The following RNF17 variants were observed in gnomAD, a reference collection of about 807,000 sequenced individuals.
RNF17 encodes the protein spermatogenesis associated 23.
Under a neutral mutation model 200.5 loss-of-function variants are expected in RNF17, and 31 were observed. The ratio of observed to expected loss-of-function variants is 0.15; its 90% CI spans 0.12 to 0.21. The LOEUF is 0.21. Ranked by LOEUF, RNF17 falls within the 10% of genes least tolerant of loss-of-function variation. The probability of loss-of-function intolerance (pLI) is 1.00; values close to 1 mark genes in which losing one functional copy is unlikely to be tolerated. For missense variants in RNF17, 1,628 were observed against 1,905.1 expected (o/e 0.85, Z 2.71); for synonymous variants, 606 against 637.8 (o/e 0.95, Z 0.75).
At chr13:24,873,302 A>G (rs1454961115) in intron 32 of RNF17, among the ~76,000 whole-genome samples, 1 of 152,222 alleles carries the variant, frequency 6.6e-6, no homozygotes, top group Non-Finnish European at 1.5e-5. Flanking sequence ...ATCCTTAGGA[A>G]TTAGTGAACA....
At chr13:24,875,389 A>G (rs904692293) in intron 33 of RNF17, among the ~76,000 whole-genome samples, 4 of 152,218 alleles carry the variant, frequency 2.6e-5, no homozygotes, top group South Asian at 2.1e-4. Context: ...TGAAGCCCAT[A>G]GCAGTAGTCC....
At chr13:24,814,929 A>G (rs1887198800) in intron 15 of RNF17, among the ~76,000 whole-genome samples, 2 of 152,206 alleles carry the variant, frequency 1.3e-5, no homozygotes, top group African/African-American at 4.8e-5. Context: ...TTGCTAATGT[A>G]TTGAAACTCA....
chr13:24,843,176 A>G (rs1250438696), intron 19 of RNF17, among the ~76,000 whole-genome samples: 2 of 152,104 alleles, frequency 1.3e-5, no homozygotes, highest in Non-Finnish European at 2.9e-5. Flanking sequence ...CTTTTCCACT[A>G]TAGGTCTCAA....
chr13:24,887,341 A>G, the RNF17 span, among the ~76,000 whole-genome samples: 1 of 152,214 alleles, frequency 6.6e-6, no homozygotes, highest in African/African-American at 2.4e-5. Flanking sequence ...ACTGGGCCAC[A>G]CAGCAGGAGA....
intron 16 of RNF17, among the ~76,000 whole-genome samples, chr13:24,826,357 AAGAC>A (rs1293863613): frequency 2.0e-5 from 3 of 152,258 alleles, no homozygotes; most frequent in African/African-American, 4.8e-5. Flanking sequence ...AGCATTGACT[AAGAC>A]AGAACATTAC....
intron 15 of RNF17, among the ~76,000 whole-genome samples, chr13:24,825,347 C>CA (rs1888502183): frequency 6.6e-6 from 1 of 152,088 alleles, no homozygotes; most frequent in African/African-American, 2.4e-5. Context: ...AAAACATATA[C>CA]AGTGAGTGTG....
At chr13:24,830,301 T>C (rs569286287) in intron 16 of RNF17, among the ~76,000 whole-genome samples, 183 bp from the exon 17 acceptor site, 2 of 152,326 alleles carry the variant, frequency 1.3e-5, no homozygotes, top group African/African-American at 2.4e-5. Flanking sequence ...TTCATTCTTA[T>C]AAGTCTGCAC....
chr13:24,812,708 G>T (rs1415909417), intron 15 of RNF17, among the ~76,000 whole-genome samples: 2 of 119,658 alleles, frequency 1.7e-5, no homozygotes, highest in Admixed American at 1.3e-4. Flanking sequence ...TTGAGACGCA[G>T]TCTCGCTCTG....
At chr13:24,787,908 C>G in intron 6 of RNF17, 80 bp from the exon 7 acceptor site, 1 of 1,105,820 alleles carries the variant, frequency 9.0e-7, no homozygotes, top group Non-Finnish European at 1.3e-6. Flanking sequence ...ACTGAACTTA[C>G]TCTTCAAGAT....
In RNF17 at chr13:24,793,177, A is replaced by C; in HGVS notation, c.1071A>C (p.Ala357=). The change falls in exon 10 of 36, where the codon GCA becomes GCC. Residue 357 remains alanine (A), a synonymous_variant. Transcript: ENST00000255324. ...ACATGTCTGTCCTAACCAGTGAAGC[A>C]CCACCACCTCCTTTGCAACCTGAGA... is the stretch of plus-strand genomic sequence containing the variant. ...KVDMSVLTSE[A]PPPPLQPETN... is the part of the protein sequence containing the mutation. The C allele has an allele frequency of 6.2e-7, 1 of 1,613,882 alleles. No individual in the cohort carries two copies. Among genetic ancestry groups the C allele is most frequent in the Non-Finnish European group, 8.5e-7 (1 of 1,179,824 alleles).
At position 24,850,423 on chromosome 13, in the gene RNF17, A is replaced by T. The variant is rs149990146; in HGVS notation, c.3184A>T (p.Ile1062Phe). The T allele has an allele frequency of 6.2e-6, 10 of 1,610,700 alleles. No homozygotes were observed. Among genetic ancestry groups the T allele is most frequent in the Middle Eastern group, 1.7e-4 (1 of 6,046 alleles). The change falls in exon 23 of 36, where the codon ATC becomes TTC. Residue 1062 changes from isoleucine to phenylalanine, a missense_variant. By Grantham distance (21) the Ile-to-Phe change is conservative. Transcript: ENST00000255324. ...CCTGACTGGAGCTGTAGCAACTATA[A>T]TCTTACAGGTGGATAGTGAGGTAAC... Reference protein sequence around the residue: ...LYLTGAVATIILQVDSEENNT... With the variant: ...LYLTGAVATIFLQVDSEENNT...
intron 15 of RNF17, among the ~76,000 whole-genome samples, chr13:24,819,216 A>G (rs545847301): frequency 2.1e-4 from 32 of 152,268 alleles, no homozygotes; most frequent in Non-Finnish European, 4.0e-4. Context: ...TGGCCAGCAC[A>G]ATATTACTTC....
At position 24,831,710 on chromosome 13, in the gene RNF17, C is replaced by G. The variant is rs192266091; in HGVS notation, c.2362-148C>G. The G allele has an allele frequency of 3.3e-5, 22 of 675,650 alleles. No individual in the cohort carries two copies. In the African/African-American group the frequency reaches 3.7e-4, roughly 11 times the overall value. The allele number at this position is 675,650 out of a possible 1,614,324, so 41.9% of individuals were successfully genotyped here. A position where few individuals can be genotyped will look rare whatever the true frequency, so the allele number is the denominator to read the frequency against. ...GATTTGTGTTTATAAAGTACTTTTACAGACACCTTCACACATTATTTGATT... is the reference window on the plus strand; with the variant it reads ...GATTTGTGTTTATAAAGTACTTTTAGAGACACCTTCACACATTATTTGATT... On this transcript the variant is annotated intron_variant, in intron 17 of 35. Transcript: ENST00000255324.
intron 22 of RNF17, among the ~76,000 whole-genome samples, chr13:24,847,333 T>TTTTA (rs1187655012): frequency 1.4e-5 from 2 of 144,222 alleles, no homozygotes; most frequent in Admixed American, 7.2e-5. Flanking sequence ...AACCTGATCT[T>TTTTA]TTTATTTATT....
At chr13:24,774,690 G>T (rs1881299547) in intron 2 of RNF17, 123 bp from the exon 3 acceptor site, 1 of 515,784 alleles carries the variant, frequency 1.9e-6, no homozygotes, top group Non-Finnish European at 3.4e-6. Context: ...ATTTACAGGG[G>T]ATTTCAGGAT....
chr13:24,784,988 T>G (rs1011185066), intron 6 of RNF17, among the ~76,000 whole-genome samples: 6 of 152,240 alleles, frequency 3.9e-5, no homozygotes, highest in African/African-American at 1.4e-4. Flanking sequence ...ATTACAGGTG[T>G]GAGCCATCAC....
chr13:24,761,406 T>C (rs1878730064), upstream of RNF17, among the ~76,000 whole-genome samples: 1 of 152,242 alleles, frequency 6.6e-6, no homozygotes, highest in African/African-American at 2.4e-5. Flanking sequence ...AGGTTAGCTC[T>C]GTGACTGCAT....
At chr13:24,789,231 C>T in intron 7 of RNF17, 117 bp from the exon 8 acceptor site, 2 of 673,552 alleles carry the variant, frequency 3.0e-6, no homozygotes, top group Non-Finnish European at 5.3e-6. Flanking sequence ...CCAAATTGAG[C>T]CTGAATGCAA....
At chr13:24,885,518 C>T in the RNF17 span, 716 of 1,219,278 alleles carry the variant, frequency 5.9e-4, 4 homozygotes, top group African/African-American at 4.1e-3. Context: ...CTTTTTTACA[C>T]GTGGTTTAGA....
Sources: gnomAD v4.1 joint callset for allele counts (sites outside exome capture counted in the v4.1 genomes callset) on GRCh38, gnomAD v4.1.1 for gene constraint, MANE v1.5 for transcripts, NCBI Gene and HGNC (gene_info 2026-07-23, HGNC 2026-07-21) for gene names.